Variants in MLLT3 observed in about 807,000 individuals in gnomAD.
The protein encoded by MLLT3 is MLLT3 super elongation complex subunit, also known as protein AF-9.
Under a neutral mutation model 53.2 loss-of-function variants are expected in MLLT3, and 4 were observed. The ratio of observed to expected loss-of-function variants is 0.08; its 90% confidence interval spans 0.04 to 0.17. MLLT3 has a LOEUF of 0.17. Among genes scored for constraint, MLLT3 ranks in the 10% least tolerant of loss-of-function variants. MLLT3 has a pLI of 1.00. For missense variants in MLLT3, 569 were observed against 684.0 expected, an observed-to-expected ratio of 0.83 and a Z score of 1.87; for synonymous variants, 283 against 230.6, an observed-to-expected ratio of 1.23 and a Z score of -2.06.
chr9:20,519,893 C>T (rs879763969), intron 2 of MLLT3, among the ~76,000 whole-genome samples: 1 of 152,126 alleles, frequency 6.6e-6, no homozygotes, highest in African/African-American at 2.4e-5. Flanking sequence ...AAGACACATA[C>T]ATGTATATGT....
At chr9:20,406,796 A>G (rs1346668772) in intron 5 of MLLT3, among the ~76,000 whole-genome samples, 1 of 152,236 alleles carries the variant, frequency 6.6e-6, no homozygotes, top group Non-Finnish European at 1.5e-5. Context: ...ATTCAAAGAT[A>G]AAAGTGTTGT....
chr9:20,546,783 C>T (rs1365638703), intron 2 of MLLT3, among the ~76,000 whole-genome samples: 1 of 152,240 alleles, frequency 6.6e-6, no homozygotes, highest in Non-Finnish European at 1.5e-5. Context: ...GTGGAACAGG[C>T]AGGGGCCATA....
chr9:20,496,545 A>C (rs1373691100), intron 2 of MLLT3, among the ~76,000 whole-genome samples: 1 of 152,134 alleles, frequency 6.6e-6, no homozygotes, highest in Non-Finnish European at 1.5e-5. Flanking sequence ...GCACTGTAAA[A>C]ACACACACAC....
intron 2 of MLLT3, among the ~76,000 whole-genome samples, chr9:20,532,050 T>C (rs746164388): frequency 2.6e-4 from 39 of 152,248 alleles, no homozygotes; most frequent in Non-Finnish European, 3.8e-4. Context: ...ATTAAAACGA[T>C]TGCAAGTTGT....
At chr9:20,429,409 T>C (rs1040233628) in intron 4 of MLLT3, among the ~76,000 whole-genome samples, 12 of 152,094 alleles carry the variant, frequency 7.9e-5, no homozygotes, top group African/African-American at 2.9e-4. Context: ...ACATATTTTA[T>C]TTCCTGTGGT....
intron 2 of MLLT3, among the ~76,000 whole-genome samples, chr9:20,610,030 T>C (rs868008038): frequency 4.6e-5 from 7 of 152,122 alleles, no homozygotes; most frequent in South Asian, 4.1e-4. Context: ...TCAATGACAA[T>C]TGCAGAATTT....
chr9:20,389,703 C>A (rs972854210), intron 5 of MLLT3, among the ~76,000 whole-genome samples: 2 of 152,036 alleles, frequency 1.3e-5, no homozygotes, highest in African/African-American at 4.8e-5. Flanking sequence ...TCACTTGAAC[C>A]CAAGAGTTCA....
At chr9:20,483,443 G>C (rs948531468) in intron 2 of MLLT3, among the ~76,000 whole-genome samples, 107 of 151,392 alleles carry the variant, frequency 7.1e-4, no homozygotes, top group African/African-American at 2.5e-3. Flanking sequence ...ATGTTGCCCA[G>C]GCTGGTCTTG....
At chr9:20,466,056 T>A (rs1216908327) in intron 2 of MLLT3, among the ~76,000 whole-genome samples, 1 of 152,162 alleles carries the variant, frequency 6.6e-6, no homozygotes, top group African/African-American at 2.4e-5. Flanking sequence ...AAAGGGTATT[T>A]GTCCCAAACA....
At chr9:20,468,552 T>C (rs1195806010) in intron 2 of MLLT3, among the ~76,000 whole-genome samples, 2 of 152,156 alleles carry the variant, frequency 1.3e-5, no homozygotes, top group African/African-American at 4.8e-5. Context: ...AATAAACAAA[T>C]GAGTAGAAAA....
intron 5 of MLLT3, among the ~76,000 whole-genome samples, chr9:20,404,505 T>C (rs548409659): frequency 6.6e-6 from 1 of 152,134 alleles, no homozygotes. Context: ...TAAACCTGTT[T>C]AGTTTTAGTT....
intron 5 of MLLT3, among the ~76,000 whole-genome samples, chr9:20,366,059 C>A (rs1416941763): frequency 1.3e-5 from 2 of 152,056 alleles, no homozygotes; most frequent in Non-Finnish European, 1.5e-5. Flanking sequence ...TAAAATACTT[C>A]TTTATTATAC....
At chr9:20,545,856 C>CAAAAA (rs5896901) in intron 2 of MLLT3, among the ~76,000 whole-genome samples, 1 of 99,838 alleles carries the variant, frequency 1.0e-5, no homozygotes, top group Admixed American at 1.0e-4. Flanking sequence ...CAGTCTCTAC[C>CAAAAA]AAAAAAAAAA....
intron 2 of MLLT3, among the ~76,000 whole-genome samples, chr9:20,488,011 C>T (rs1037703193): frequency 6.6e-6 from 1 of 151,946 alleles, no homozygotes; most frequent in African/African-American, 2.4e-5. Context: ...ATCAAAAGTA[C>T]ACAAGGCAGG....
rs527285347 is a variant in MLLT3, at chr9:20,497,945, G to A, written c.194-41159C>T. Among the ~76,000 whole-genome samples, 8 of 152,110 alleles carry A rather than the reference G, an allele frequency of 5.3e-5. No homozygotes were observed. In the South Asian group the frequency reaches 1.7e-3, roughly 32 times the overall value. On this transcript the variant is annotated intron_variant, in intron 2 of 10. Coordinates refer to ENST00000380338, the MANE Select transcript of MLLT3 (RefSeq NM_004529.4). ...AGCTAGGTAAAAGAACTCTTCTATG[G>A]GTGCAGTGGCTCATGCTTGTAATGC...
intron 4 of MLLT3, among the ~76,000 whole-genome samples, chr9:20,420,491 C>T (rs1015562034): frequency 6.6e-6 from 1 of 151,890 alleles, no homozygotes; most frequent in Admixed American, 6.6e-5. Flanking sequence ...GTTGAGAGTA[C>T]CAAATAGGAT....
At position 20,353,531 on chromosome 9, in the gene MLLT3, C is replaced by T. The variant is rs767561374; in HGVS notation, c.1569G>A (p.Leu523=). 2 of 1,613,704 alleles carry T rather than the reference C, an allele frequency of 1.2e-6. No homozygotes were observed. The highest frequency in any genetic ancestry group is 1.7e-6 in the Non-Finnish European group (2 of 1,179,686). The change falls in exon 10 of 11, where the codon CTG becomes CTA. Residue 523 remains leucine, a synonymous_variant. Transcript: ENST00000380338. ...RLMTLRERHI[L]QQIVNLIEET... is the part of the protein sequence containing the mutation. ...GCTAAAAAGCATTTCTCACCTGCTG[C>T]AGAATGTGTCTTTCTCTCAATGTCA...
intron 4 of MLLT3, among the ~76,000 whole-genome samples, chr9:20,443,083 T>C (rs1475508241): frequency 3.3e-5 from 5 of 151,442 alleles, no homozygotes; most frequent in African/African-American, 1.2e-4. Context: ...CTTTGCCCTG[T>C]TTAATTGAGG....
chr9:20,512,480 T>C (rs1032111249), intron 2 of MLLT3, among the ~76,000 whole-genome samples: 2 of 152,180 alleles, frequency 1.3e-5, no homozygotes, highest in Admixed American at 1.3e-4. Flanking sequence ...TCAGAAACTT[T>C]GGGGGAAGAG....
Sources: gnomAD v4.1 joint callset for allele counts (sites outside exome capture counted in the v4.1 genomes callset) on GRCh38, gnomAD v4.1.1 for gene constraint, MANE v1.5 for transcripts, NCBI Gene and HGNC (gene_info 2026-07-23, HGNC 2026-07-21) for gene names.